SYT1: variants seen among roughly 807,000 people sequenced by gnomAD.
SYT1 encodes the protein synaptotagmin 1, also known as synaptotagmin-1.
Under a neutral mutation model 44.8 loss-of-function variants are expected in SYT1, and 8 were observed. The ratio of observed to expected loss-of-function variants is 0.18; its 90% CI spans 0.10 to 0.32. The LOEUF is 0.32. Among genes scored for constraint, SYT1 ranks in the 10% least tolerant of loss-of-function variants. The probability of loss-of-function intolerance (pLI) is 1.00; values close to 1 mark genes in which losing one functional copy is unlikely to be tolerated. For missense variants in SYT1, 286 were observed against 509.3 expected, an observed-to-expected ratio of 0.56 and a Z score of 4.22; for synonymous variants, 154 against 188.8, an observed-to-expected ratio of 0.82 and a Z score of 1.51.
intron 8 of SYT1, among the ~76,000 whole-genome samples, chr12:79,347,599 A>G (rs939224878): frequency 2.0e-5 from 3 of 152,174 alleles, no homozygotes; most frequent in Admixed American, 6.5e-5. Flanking sequence ...CTGCTTCCTC[A>G]GAGAACTCAA....
chr12:79,431,092 A>G (rs1410943907), intron 9 of SYT1, among the ~76,000 whole-genome samples: 3 of 152,266 alleles, frequency 2.0e-5, no homozygotes, highest in Non-Finnish European at 4.4e-5. Context: ...AAGGTGAAAG[A>G]TGTCAGCCTG....
At chr12:79,286,068 G>A (rs1879300410) in intron 5 of SYT1, 97 bp downstream of exon 5, 1 of 1,349,824 alleles carries the variant, frequency 7.4e-7, no homozygotes, top group Non-Finnish European at 9.9e-7. Context: ...AACAACTTCT[G>A]GACCCATATC....
intron 8 of SYT1, among the ~76,000 whole-genome samples, chr12:79,322,556 GC>G (rs1337638252): frequency 6.6e-6 from 1 of 151,948 alleles, no homozygotes; most frequent in Non-Finnish European, 1.5e-5. Flanking sequence ...CCTCACATTT[GC>G]AGGACACTTT....
At chr12:78,962,415 A>G (rs1879559655) in intron 1 of SYT1, among the ~76,000 whole-genome samples, 1 of 151,546 alleles carries the variant, frequency 6.6e-6, no homozygotes, top group African/African-American at 2.4e-5. Context: ...CTCTTGTGCA[A>G]ACTTATCCTT....
In SYT1 at chr12:79,035,764, C is replaced by T. The variant is rs182252782; in HGVS notation, c.-83-11533C>T. On this transcript the variant is annotated intron_variant, in intron 2 of 10. Coordinates refer to ENST00000261205, the MANE Select transcript of SYT1 (RefSeq NM_005639.3). ...AGCTGAGAAAATGACCCCTGCTCAC[C>T]CCTGCAGACTCAACTGGCAAGGAAA... Among the ~76,000 whole-genome samples the T allele has an allele frequency of 5.1e-4, 77 of 151,688 alleles. 1 individual carries two copies. Among genetic ancestry groups the T allele is most frequent in the Middle Eastern group, 3.4e-3 (1 of 294 alleles).
At chr12:79,049,747 A>G (rs1479867512) in intron 3 of SYT1, among the ~76,000 whole-genome samples, 3 of 152,026 alleles carry the variant, frequency 2.0e-5, no homozygotes, top group African/African-American at 7.2e-5. Context: ...ATTGGAATCA[A>G]AACTTTATAA....
At chr12:79,190,917 G>A (rs1393325010) in intron 3 of SYT1, among the ~76,000 whole-genome samples, 1 of 151,810 alleles carries the variant, frequency 6.6e-6, no homozygotes, top group African/African-American at 2.4e-5. Flanking sequence ...AATAATGAGA[G>A]CAGCTACTCA....
At chr12:79,165,121 G>T (rs554931116) in intron 3 of SYT1, among the ~76,000 whole-genome samples, 1 of 151,934 alleles carries the variant, frequency 6.6e-6, no homozygotes, top group East Asian at 1.9e-4. Flanking sequence ...GTTTAGAAAC[G>T]TAATTTTTCT....
chr12:78,956,487 A>C lies in SYT1; in HGVS notation c.-216-21312A>C, dbSNP rs569898902. On this transcript the variant is annotated intron_variant, in intron 1 of 10. Transcript: ENST00000261205. Reference sequence around the variant, plus strand: ...ATATCTCTCTCCCTACCCCTGCTAGAAAGAAAACTTGAGGAGGTTTTAACG... The same window carrying C: ...ATATCTCTCTCCCTACCCCTGCTAGCAAGAAAACTTGAGGAGGTTTTAACG... Among the ~76,000 whole-genome samples, 12 of 152,180 alleles carry C rather than the reference A, an allele frequency of 7.9e-5. No homozygotes were observed. The East Asian group carries it at 2.1e-3, about 27-fold the overall frequency.
At chr12:79,371,687 T>A (rs897207983) in intron 9 of SYT1, among the ~76,000 whole-genome samples, 3 of 152,222 alleles carry the variant, frequency 2.0e-5, no homozygotes, top group African/African-American at 7.2e-5. Flanking sequence ...GGCTTCCTGG[T>A]GGGAAGACAC....
chr12:79,231,948 A>G lies in SYT1; in HGVS notation c.166+14263A>G, dbSNP rs142666105. 1.3e-3 allele frequency among the ~76,000 whole-genome samples: 192 copies of G among 152,304 alleles called. 2 individuals are homozygous for G. Among genetic ancestry groups the G allele is most frequent in the African/African-American group, 4.3e-3 (180 of 41,576 alleles). ...GAGGTTCAGGAGAACATTGTTTGCT[A>G]TGGTGAGCATCTATGAAATGAGGTC... On this transcript the variant is annotated intron_variant, in intron 4 of 10. Coordinates refer to ENST00000261205, the MANE Select transcript of SYT1 (RefSeq NM_005639.3).
At chr12:79,194,656 C>T (rs547012685) in intron 3 of SYT1, among the ~76,000 whole-genome samples, 25 of 151,950 alleles carry the variant, frequency 1.6e-4, no homozygotes, top group Non-Finnish European at 3.2e-4. Flanking sequence ...CCACTGTGTA[C>T]ACACACACAC....
chr12:79,067,977 G>A lies in SYT1; in HGVS notation c.-18+20615G>A, dbSNP rs183893937. Among the ~76,000 whole-genome samples, 338 of 152,148 alleles carry A rather than the reference G, an allele frequency of 2.2e-3. 1 individual carries two copies. In the Middle Eastern group the frequency reaches 0.024, roughly 11 times the overall value. On this transcript the variant is annotated intron_variant, in intron 3 of 10. Coordinates refer to ENST00000261205, the MANE Select transcript of SYT1 (RefSeq NM_005639.3). The stretch of plus-strand genomic sequence containing the variant: ...ATCACCTCTACATTTTTATTTCCAC[G>A]AAGACACACCCATGAGACAAGCCTT...
chr12:79,388,180 G>A (rs560740544), intron 9 of SYT1, among the ~76,000 whole-genome samples: 1 of 152,268 alleles, frequency 6.6e-6, no homozygotes, highest in Admixed American at 6.5e-5. Context: ...ACCTGTGTGT[G>A]TATAGCTTCA....
chr12:78,938,032 T>C (rs1409892190), intron 1 of SYT1, among the ~76,000 whole-genome samples: 2 of 152,164 alleles, frequency 1.3e-5, no homozygotes, highest in East Asian at 1.9e-4. Context: ...TAAAAGTCGA[T>C]GTAAAGACTG....
At chr12:79,083,448 G>T (rs1877172023) in intron 3 of SYT1, among the ~76,000 whole-genome samples, 1 of 152,056 alleles carries the variant, frequency 6.6e-6, no homozygotes, top group Admixed American at 6.6e-5. Context: ...GGGCCAGGAT[G>T]CTCAGGTCAG....
intron 3 of SYT1, among the ~76,000 whole-genome samples, chr12:79,166,929 A>AT (rs1871255385): frequency 6.6e-6 from 1 of 152,064 alleles, no homozygotes; most frequent in South Asian, 2.1e-4. Flanking sequence ...CGAGGATATA[A>AT]TTTCTACCAC....
chr12:79,031,181 ATATTAAC>A (rs1201193283), intron 2 of SYT1, among the ~76,000 whole-genome samples: 18 of 151,200 alleles, frequency 1.2e-4, no homozygotes, highest in Non-Finnish European at 2.4e-4. Context: ...GATTATACTG[ATATTAAC>A]TATTAATATC....
intron 8 of SYT1, among the ~76,000 whole-genome samples, chr12:79,334,605 C>T (rs1262531412): frequency 6.6e-6 from 1 of 152,200 alleles, no homozygotes; most frequent in Non-Finnish European, 1.5e-5. Context: ...CAATCGAGAA[C>T]ATGCACGCAT....
Sources: gnomAD v4.1 joint callset for allele counts (sites outside exome capture counted in the v4.1 genomes callset) on GRCh38, gnomAD v4.1.1 for gene constraint, MANE v1.5 for transcripts, NCBI Gene and HGNC (gene_info 2026-07-23, HGNC 2026-07-21) for gene names.